Variants in ARB2A observed in about 807,000 individuals in gnomAD.
ARB2A encodes the protein cotranscriptional regulator ARB2A.
the ARB2A span, among the ~76,000 whole-genome samples, chr5:93,633,790 T>C: frequency 9.2e-5 from 14 of 152,126 alleles, no homozygotes; most frequent in Admixed American, 3.9e-4. Flanking sequence ...ATCTTCAACA[T>C]AGATTGACAA....
chr5:93,988,012 T>C, the ARB2A span, among the ~76,000 whole-genome samples: 2 of 152,170 alleles, frequency 1.3e-5, no homozygotes, highest in Non-Finnish European at 1.5e-5. Context: ...AACTGCTCAG[T>C]CTATAAGCCT....
At chr5:94,091,790 AAAGTCTACTC>A in the ARB2A span, among the ~76,000 whole-genome samples, 3 of 152,178 alleles carry the variant, frequency 2.0e-5, no homozygotes, top group African/African-American at 7.2e-5. Flanking sequence ...TCCAATTTGT[AAAGTCTACTC>A]TATGTAACAT....
chr5:93,737,761 T>C, the ARB2A span: 2 of 329,340 alleles, frequency 6.1e-6, no homozygotes, highest in African/African-American at 4.4e-5. Context: ...CAACAAATGG[T>C]GCTGGGAAAA....
the ARB2A span, among the ~76,000 whole-genome samples, chr5:93,774,040 T>C: frequency 6.6e-6 from 1 of 152,240 alleles, no homozygotes. Flanking sequence ...CCTCCCAAAG[T>C]ACTGGAATTA....
chr5:93,839,395 T>C, the ARB2A span, among the ~76,000 whole-genome samples: 5 of 152,338 alleles, frequency 3.3e-5, no homozygotes, highest in Admixed American at 6.5e-5. Context: ...TACTTGATTG[T>C]GGTGGATTAG....
At chr5:93,894,661 C>T in the ARB2A span, among the ~76,000 whole-genome samples, 7 of 152,234 alleles carry the variant, frequency 4.6e-5, no homozygotes, top group Non-Finnish European at 1.0e-4. Context: ...GTGGTCTTTA[C>T]TGACTTTGGT....
the ARB2A span, among the ~76,000 whole-genome samples, chr5:93,717,169 C>T: frequency 6.6e-6 from 1 of 151,888 alleles, no homozygotes; most frequent in Admixed American, 6.6e-5. Context: ...AAGTATAACA[C>T]AAAGAAAAAA....
At chr5:93,795,578 T>C in the ARB2A span, among the ~76,000 whole-genome samples, 1 of 152,186 alleles carries the variant, frequency 6.6e-6, no homozygotes, top group Admixed American at 6.5e-5. Context: ...TGCATACTAG[T>C]CCTGCCCCCA....
the ARB2A span, among the ~76,000 whole-genome samples, chr5:93,853,518 G>A: frequency 6.6e-6 from 1 of 152,078 alleles, no homozygotes; most frequent in African/African-American, 2.4e-5. Context: ...GTGAGAGAGG[G>A]CATCCCTGTC....
At chr5:93,816,502 C>A in the ARB2A span, among the ~76,000 whole-genome samples, 1 of 152,062 alleles carries the variant, frequency 6.6e-6, no homozygotes, top group African/African-American at 2.4e-5. Flanking sequence ...CCAGGCAATC[C>A]TTGGTTTCCT....
At chr5:93,730,914 G>A in the ARB2A span, among the ~76,000 whole-genome samples, 1 of 152,084 alleles carries the variant, frequency 6.6e-6, no homozygotes, top group African/African-American at 2.4e-5. Context: ...TTATTGGTTG[G>A]GAGAGAAGAA....
At chr5:93,648,465 G>A in the ARB2A span, among the ~76,000 whole-genome samples, 2 of 152,108 alleles carry the variant, frequency 1.3e-5, no homozygotes, top group Non-Finnish European at 2.9e-5. Flanking sequence ...CTAACTCAAT[G>A]CATGCCTTCC....
At chr5:93,805,409 T>C in the ARB2A span, 2 of 985,062 alleles carry the variant, frequency 2.0e-6, no homozygotes, top group South Asian at 4.7e-5. Flanking sequence ...AACCCCCGTT[T>C]CCCCAGAAAT....
the ARB2A span, among the ~76,000 whole-genome samples, chr5:94,067,915 G>T: frequency 2.6e-5 from 4 of 152,122 alleles, no homozygotes; most frequent in Non-Finnish European, 5.9e-5. Flanking sequence ...ACCTGACTTC[G>T]AAATACATTA....
At chr5:93,732,098 G>C in the ARB2A span, among the ~76,000 whole-genome samples, 1 of 152,118 alleles carries the variant, frequency 6.6e-6, no homozygotes, top group Admixed American at 6.5e-5. Context: ...TAGCCCCTTC[G>C]ATAAACCATG....
At chr5:93,948,814 T>A in the ARB2A span, among the ~76,000 whole-genome samples, 1 of 152,208 alleles carries the variant, frequency 6.6e-6, no homozygotes, top group Non-Finnish European at 1.5e-5. Flanking sequence ...GCTAAAGTGA[T>A]CTTCCCACCT....
the ARB2A span, among the ~76,000 whole-genome samples, chr5:93,784,022 T>C: frequency 6.6e-6 from 1 of 152,164 alleles, no homozygotes; most frequent in Non-Finnish European, 1.5e-5. Flanking sequence ...ACCTTATGCG[T>C]CTTTCTTGTA....
chr5:93,881,501 C>G, the ARB2A span: 1 of 1,610,560 alleles, frequency 6.2e-7, no homozygotes, highest in African/African-American at 1.3e-5. Flanking sequence ...TTCTTTTTCT[C>G]TTTGGGGGTT....
chr5:93,793,606 G>A, the ARB2A span, among the ~76,000 whole-genome samples: 6 of 152,220 alleles, frequency 3.9e-5, no homozygotes, highest in Non-Finnish European at 7.4e-5. Flanking sequence ...TGATGAAAGT[G>A]CTATTTACAG....
Sources: allele counts gnomAD v4.1 joint callset (sites outside exome capture counted in the v4.1 genomes callset), GRCh38; gene constraint gnomAD v4.1.1; transcripts MANE v1.5; gene names NCBI Gene and HGNC (gene_info 2026-07-23, HGNC 2026-07-21).